COL13A1: variants seen among roughly 807,000 people sequenced by gnomAD.
COL13A1 encodes the protein collagen type XIII alpha 1 chain.
A neutral mutation model predicts 130.9 loss-of-function variants in COL13A1; 89 were observed. The observed-to-expected ratio is 0.68, with a 90% CI of 0.57 to 0.81. The LOEUF is 0.81. Among genes scored for constraint, COL13A1 ranks in the 30% least tolerant of loss-of-function variants. The probability of loss-of-function intolerance (pLI) is 0.00; values close to 1 mark genes in which losing one functional copy is unlikely to be tolerated. For synonymous variants in COL13A1, 402 were observed against 341.6 expected (o/e 1.18, Z -1.95); for missense variants, 879 against 934.6 (o/e 0.94, Z 0.78).
In COL13A1 at chr10:69,925,809, C is replaced by T. The variant is rs2065270410; in HGVS notation, c.1335C>T (p.Ser445=). 1.9e-6 allele frequency: 3 copies of T among 1,597,086 alleles called. No homozygotes were observed. The highest frequency in any genetic ancestry group is 2.7e-5 in the African/African-American group (2 of 74,736). The change falls in exon 26 of 41, where the codon TCC becomes TCT. Residue 445 remains serine (S), a synonymous_variant. Transcript: ENST00000645393. ...AGATCTCATTTGCCTTCCAGGGCTCCAAGGGAGAACCAGGGAAAGGAGAGA... is the reference window on the plus strand; with the variant it reads ...AGATCTCATTTGCCTTCCAGGGCTCTAAGGGAGAACCAGGGAAAGGAGAGA... ...GEQGPDGPKG[S]KGEPGKGEMV... is the part of the protein sequence containing the mutation.
intron 17 of COL13A1, among the ~76,000 whole-genome samples, chr10:69,914,753 C>A (rs948515829): frequency 6.6e-6 from 1 of 152,214 alleles, no homozygotes; most frequent in African/African-American, 2.4e-5. Flanking sequence ...TGACAGGAGC[C>A]CTCAGCTGGT....
At chr10:69,804,531 G>A (rs1012095283) in intron 1 of COL13A1, among the ~76,000 whole-genome samples, 4 of 151,974 alleles carry the variant, frequency 2.6e-5, no homozygotes, top group African/African-American at 4.8e-5. Context: ...GAGAGCATCT[G>A]AACTGAACCC....
intron 17 of COL13A1, among the ~76,000 whole-genome samples, chr10:69,916,235 G>A (rs1430117260): frequency 1.3e-5 from 2 of 152,234 alleles, no homozygotes; most frequent in South Asian, 2.1e-4. Context: ...TGGCCTGGCA[G>A]CCACAGCAGT....
intron 37 of COL13A1, among the ~76,000 whole-genome samples, chr10:69,946,411 A>T (rs1300896604): frequency 2.0e-5 from 3 of 152,202 alleles, no homozygotes; most frequent in African/African-American, 7.2e-5. Flanking sequence ...CTTGCAGGGG[A>T]CACCTGGCTT....
At chr10:69,877,490 C>G (rs2059684284) in intron 5 of COL13A1, 1 of 153,334 alleles carries the variant, frequency 6.5e-6, no homozygotes, top group Non-Finnish European at 1.5e-5. Flanking sequence ...TGCAAACCTC[C>G]TAGACACCAG....
intron 5 of COL13A1, among the ~76,000 whole-genome samples, chr10:69,876,607 C>T (rs924890946): frequency 2.0e-5 from 3 of 152,208 alleles, no homozygotes; most frequent in African/African-American, 7.2e-5. Context: ...CGTTCTCTAA[C>T]TCCAGATCCT....
chr10:69,898,685 C>T lies in COL13A1; in HGVS notation c.685-12C>T. 2 of 1,611,990 alleles carry T rather than the reference C, an allele frequency of 1.2e-6. No homozygotes were observed. The highest frequency in any genetic ancestry group is 1.7e-6 in the Non-Finnish European group (2 of 1,179,026). ...TTTGCCCTCTGGCCCTCCAACTCAT[C>T]TTTCTCCTCAGCTGCTGCCTCTCCT... On this transcript the variant is annotated splice_polypyrimidine_tract_variant and intron_variant, in intron 13 of 40. Transcript: ENST00000645393.
chr10:69,919,676 A>G lies in COL13A1; in HGVS notation c.1038A>G (p.Gly346=). ...TTCTTACCCCAAAGGGAGACCCAGG[A>G]GCAGAAGGGAAGCCGGGGCCCCCAG... ...PGIPGTKGDP[G]AEGKPGPPGL... Residue 346 remains glycine, a synonymous_variant, in exon 21 of 41, where the codon GGA becomes GGG. Coordinates refer to ENST00000645393, the MANE Select transcript of COL13A1 (RefSeq NM_001368882.1). 1 of 398,756 alleles carries G rather than the reference A, an allele frequency of 2.5e-6. No homozygotes were observed. Among genetic ancestry groups the G allele is most frequent in the Non-Finnish European group, 4.4e-6 (1 of 226,202 alleles). 24.7% of individuals were successfully genotyped at this position (398,756 alleles called of 1,614,324 possible). A position where few individuals can be genotyped will look rare whatever the true frequency, so the allele number is the denominator to read the frequency against.
chr10:69,853,738 C>T (rs907622959), intron 2 of COL13A1, among the ~76,000 whole-genome samples: 5 of 152,174 alleles, frequency 3.3e-5, no homozygotes, highest in Admixed American at 6.5e-5. Context: ...TTAAAGATGT[C>T]GTTTCCAAGG....
chr10:69,910,326 G>C (rs1042921778), intron 17 of COL13A1, among the ~76,000 whole-genome samples: 1 of 151,970 alleles, frequency 6.6e-6, no homozygotes, highest in African/African-American at 2.4e-5. Context: ...GCTGAGACAG[G>C]GGCCATGTGA....
At chr10:69,946,238 G>A (rs867535976) in intron 37 of COL13A1, among the ~76,000 whole-genome samples, 2 of 152,232 alleles carry the variant, frequency 1.3e-5, no homozygotes, top group African/African-American at 4.8e-5. Context: ...AGAGGACCAG[G>A]GCCTCTGCCA....
intron 17 of COL13A1, among the ~76,000 whole-genome samples, chr10:69,909,505 T>G (rs376186105): frequency 5.9e-5 from 9 of 152,260 alleles, no homozygotes; most frequent in African/African-American, 1.9e-4. Flanking sequence ...AGCCCATGGC[T>G]GGTCTGGGCA....
At chr10:69,842,243 C>T (rs1420576483) in intron 2 of COL13A1, among the ~76,000 whole-genome samples, 1 of 152,204 alleles carries the variant, frequency 6.6e-6, no homozygotes, top group Non-Finnish European at 1.5e-5. Flanking sequence ...ACTTGATTCT[C>T]ATTTCTCTCT....
chr10:69,868,587 A>G (rs949631167), intron 3 of COL13A1, among the ~76,000 whole-genome samples: 25 of 152,222 alleles, frequency 1.6e-4, no homozygotes, highest in Non-Finnish European at 3.4e-4. Flanking sequence ...GAAAGGGCCC[A>G]GCCCTCGCAT....
At chr10:69,910,411 C>T (rs1009711469) in intron 17 of COL13A1, among the ~76,000 whole-genome samples, 2 of 152,132 alleles carry the variant, frequency 1.3e-5, no homozygotes, top group Admixed American at 1.3e-4. Flanking sequence ...TTCCTTGCTT[C>T]ACCCCAGAGA....
At position 69,898,780 on chromosome 10, in the gene COL13A1, G is replaced by C. The variant is rs757550207; in HGVS notation, c.750+18G>C. The C allele has an allele frequency of 6.2e-7, 1 of 1,604,718 alleles. No individual in the cohort carries two copies. The highest frequency in any genetic ancestry group is 1.1e-5 in the South Asian group (1 of 89,438). Reference sequence around the variant, plus strand: ...CGTTCCAGGTAGACACCTCCCGTTTGTCCAGACCATGTGTGGTTTCCCAAG... The same window carrying C: ...CGTTCCAGGTAGACACCTCCCGTTTCTCCAGACCATGTGTGGTTTCCCAAG... On this transcript the variant is annotated intron_variant, in intron 14 of 40. Transcript: ENST00000645393.
intron 1 of COL13A1, among the ~76,000 whole-genome samples, chr10:69,816,171 C>T (rs1844449193): frequency 6.7e-6 from 1 of 148,396 alleles, no homozygotes; most frequent in African/African-American, 2.5e-5. Flanking sequence ...AAGGTTATCA[C>T]AGTAATTAGG....
At chr10:69,940,154 C>T (rs978895414) in intron 34 of COL13A1, among the ~76,000 whole-genome samples, 4 of 135,984 alleles carry the variant, frequency 2.9e-5, no homozygotes, top group African/African-American at 1.1e-4. Context: ...CCCGACCCAC[C>T]AACCTTGTAT....
chr10:69,829,856 C>A (rs369107228), intron 2 of COL13A1, among the ~76,000 whole-genome samples: 1 of 152,330 alleles, frequency 6.6e-6, no homozygotes, highest in South Asian at 2.1e-4. Context: ...TCTGGCTCTG[C>A]GTTTCAGAAA....
Sources: gnomAD v4.1 joint callset for allele counts (sites outside exome capture counted in the v4.1 genomes callset) on GRCh38, gnomAD v4.1.1 for gene constraint, MANE v1.5 for transcripts, NCBI Gene and HGNC (gene_info 2026-07-23, HGNC 2026-07-21) for gene names.